LPIN1: variants seen among roughly 807,000 people sequenced by gnomAD.
The protein encoded by LPIN1 is lipin 1, also known as phosphatidate phosphatase LPIN1.
LPIN1 carries 71 observed loss-of-function variants against 107.5 expected under a neutral mutation model. That is an observed-to-expected ratio of 0.66 (90% CI 0.55 to 0.80). LPIN1 has a LOEUF of 0.80. LPIN1 is among the 30% of genes least tolerant of loss of function. The pLI, the probability that LPIN1 is intolerant of heterozygous loss-of-function variation, is 0.00. For synonymous variants in LPIN1, 445 were observed against 452.6 expected, an observed-to-expected ratio of 0.98 and a Z score of 0.21; for missense variants, 1,043 against 1,160.6, an observed-to-expected ratio of 0.90 and a Z score of 1.47.
intron 20 of LPIN1, 100 bp from the exon 21 acceptor site, chr2:11,824,532 C>G: frequency 8.5e-7 from 1 of 1,173,098 alleles, no homozygotes; most frequent in South Asian, 1.2e-5. Flanking sequence ...AGTAGGCGGT[C>G]TGCTCCTTGA....
At chr2:11,799,177 C>T (rs1338172659) in intron 14 of LPIN1, among the ~76,000 whole-genome samples, 1 of 152,158 alleles carries the variant, frequency 6.6e-6, no homozygotes. Flanking sequence ...CTGCGCATCT[C>T]GCATTTTAGT....
At chr2:11,795,586 C>G in intron 14 of LPIN1, 99 bp downstream of exon 14, 1 of 1,092,082 alleles carries the variant, frequency 9.2e-7, no homozygotes, top group East Asian at 2.4e-5. Context: ...CACACAGTTC[C>G]AACTCTGGCT....
At chr2:11,693,495 C>G (rs887729500) in intron 1 of LPIN1, among the ~76,000 whole-genome samples, 4 of 152,102 alleles carry the variant, frequency 2.6e-5, no homozygotes, top group Admixed American at 1.3e-4. Context: ...AATCTGCATT[C>G]TCAACAAGCA....
At chr2:11,773,983 C>T (rs756563568) in intron 5 of LPIN1, among the ~76,000 whole-genome samples, 90 of 152,098 alleles carry the variant, frequency 5.9e-4, no homozygotes, top group Non-Finnish European at 1.2e-3. Context: ...TGGAGGTGAA[C>T]TTGAAAGGAA....
In LPIN1 at chr2:11,791,997, A is replaced by C; in HGVS notation, c.1797A>C (p.Thr599=). The change falls in exon 13 of 21, where the codon ACA becomes ACC. Residue 599 remains threonine (T), a synonymous_variant. Coordinates refer to ENST00000674199, the MANE Select transcript of LPIN1 (RefSeq NM_001349206.2). ...WWFSWRGRNT[T]IKEESKPEQC... ...TTTCATGGAGGGGAAGAAACACCAC[A>C]ATCAAGGAGGTAAGCCCAGAAGACA... 2 of 1,613,716 alleles carry C rather than the reference A, an allele frequency of 1.2e-6. No homozygotes were observed. Among genetic ancestry groups the C allele is most frequent in the East Asian group, 2.2e-5 (1 of 44,872 alleles).
intron 14 of LPIN1, among the ~76,000 whole-genome samples, chr2:11,797,829 T>C (rs191748504): frequency 2.0e-5 from 3 of 152,264 alleles, no homozygotes; most frequent in East Asian, 3.9e-4. Flanking sequence ...TGGGAAGGCA[T>C]GTTTGATTTT....
intron 1 of LPIN1, among the ~76,000 whole-genome samples, chr2:11,691,524 G>A (rs1026588364): frequency 9.9e-5 from 15 of 152,170 alleles, no homozygotes; most frequent in African/African-American, 3.1e-4. Flanking sequence ...GCCAGAGACT[G>A]TGCCGGGCCT....
At chr2:11,752,580 C>T (rs891557173) in intron 1 of LPIN1, among the ~76,000 whole-genome samples, 1 of 149,738 alleles carries the variant, frequency 6.7e-6, no homozygotes, top group Non-Finnish European at 1.5e-5. Flanking sequence ...TACAGGCGCC[C>T]GCCACTACGC....
At chr2:11,735,291 CAAAAAAAAA>C (rs1213109442) in intron 1 of LPIN1, among the ~76,000 whole-genome samples, 1 of 106,468 alleles carries the variant, frequency 9.4e-6, no homozygotes, top group Non-Finnish European at 2.1e-5. Flanking sequence ...GACTCTGTCT[CAAAAAAAAA>C]AAAAAAGAAA....
chr2:11,789,563 C>CGT (rs894847681), intron 12 of LPIN1, among the ~76,000 whole-genome samples: 4 of 147,186 alleles, frequency 2.7e-5, no homozygotes, highest in Admixed American at 1.4e-4. Flanking sequence ...TGGATGTGCA[C>CGT]GTGTGTGTGT....
chr2:11,752,444 T>TTTTTTTTTA lies in LPIN1; in HGVS notation c.-10+5778_-10+5779insTTTATTTTT, dbSNP rs1667953622. Among the ~76,000 whole-genome samples, 2 of 111,018 alleles carry TTTTTTTTTA rather than the reference T, an allele frequency of 1.8e-5. 1 individual carries two copies. The highest frequency in any genetic ancestry group is 1.2e-4 in the African/African-American group (2 of 17,334). The allele number at this position is 111,018 out of a possible 152,430, so 72.8% of individuals were successfully genotyped here. ...GCTGTTCCAAGGCCATTTTTTTTTT[T>TTTTTTTTTA]TTTTTGAGACGGAGTCTCGCTCTGT... On this transcript the variant is annotated intron_variant, in intron 1 of 20. Coordinates refer to ENST00000674199, the MANE Select transcript of LPIN1 (RefSeq NM_001349206.2).
At chr2:11,709,152 C>T in intron 1 of LPIN1, among the ~76,000 whole-genome samples, 1 of 152,184 alleles carries the variant, frequency 6.6e-6, no homozygotes, top group East Asian at 1.9e-4. Context: ...TTACATAAAA[C>T]ATCATCCCTT....
At chr2:11,748,587 G>A (rs931231550) in intron 1 of LPIN1, among the ~76,000 whole-genome samples, 2 of 152,228 alleles carry the variant, frequency 1.3e-5, no homozygotes, top group Admixed American at 1.3e-4. Context: ...GGGTGCCAGC[G>A]AGGAGGGGCT....
intron 1 of LPIN1, chr2:11,741,164 T>A (rs1666324133): frequency 1.1e-5 from 5 of 471,960 alleles, no homozygotes; most frequent in Middle Eastern, 5.3e-4. Flanking sequence ...AGCTAAGAGA[T>A]GTCAGCCCTG....
chr2:11,779,114 T>C (rs1490479347), intron 6 of LPIN1, among the ~76,000 whole-genome samples: 1 of 152,176 alleles, frequency 6.6e-6, no homozygotes, highest in African/African-American at 2.4e-5. Context: ...ACCAAGACCC[T>C]TTTGCAGCCC....
chr2:11,789,715 G>T (rs936409979), intron 12 of LPIN1, among the ~76,000 whole-genome samples: 4 of 152,028 alleles, frequency 2.6e-5, no homozygotes, highest in African/African-American at 9.7e-5. Context: ...GGTATCCATG[G>T]CCTGGGACAC....
upstream of LPIN1, chr2:11,721,969 G>A (rs1297956189): frequency 2.0e-5 from 3 of 152,246 alleles, no homozygotes; most frequent in Non-Finnish European, 4.4e-5. Context: ...CTCAGGGTGG[G>A]AGACAGGAAG....
chr2:11,771,184 A>T lies in LPIN1; in HGVS notation c.289-188A>T, dbSNP rs1268458457. On this transcript the variant is annotated intron_variant, in intron 3 of 20. Coordinates refer to ENST00000674199, the MANE Select transcript of LPIN1 (RefSeq NM_001349206.2). This position sits in a 1 kb window ranked among gnomAD's most constrained non-coding sequence, Gnocchi z 4.8. ...CATTCAATACATTGTTGGCTTTCTG[A>T]TCTTCTACCAGATTGGGCAGCCACA... Among the ~76,000 whole-genome samples, 1 of 152,110 alleles carries T rather than the reference A, an allele frequency of 6.6e-6. No homozygotes were observed. Among genetic ancestry groups the T allele is most frequent in the African/African-American group, 2.4e-5 (1 of 41,418 alleles).
chr2:11,797,929 T>G (rs1167877529), intron 14 of LPIN1, among the ~76,000 whole-genome samples: 1 of 152,184 alleles, frequency 6.6e-6, no homozygotes, highest in Admixed American at 6.5e-5. Context: ...CACTTTGAAC[T>G]GTAATCCCCA....
Sources: gnomAD v4.1 joint callset for allele counts (sites outside exome capture counted in the v4.1 genomes callset) on GRCh38, gnomAD v4.1.1 for gene constraint, Gnocchi (gnomAD v3.1) non-coding constraint, MANE v1.5 for transcripts, NCBI Gene and HGNC (gene_info 2026-07-23, HGNC 2026-07-21) for gene names.